The following ATF2 variants were observed in gnomAD, a reference collection of about 807,000 sequenced individuals.
The protein encoded by ATF2 is activating transcription factor 2, also known as cyclic AMP-dependent transcription factor ATF-2.
In ATF2, 24 loss-of-function variants were observed where a neutral mutation model predicts 60.6. The ratio of observed to expected loss-of-function variants is 0.40; its 90% CI spans 0.29 to 0.56. The LOEUF (loss-of-function observed/expected upper bound fraction) is 0.56. ATF2 is among the 20% of genes least tolerant of loss of function. ATF2 has a pLI of 0.54. For synonymous variants in ATF2, 206 were observed against 215.4 expected (o/e 0.96, Z 0.38); for missense variants, 433 against 607.7 (o/e 0.71, Z 3.02).
chr2:175,094,209 A>G (rs1243678140), intron 11 of ATF2, among the ~76,000 whole-genome samples: 2 of 151,972 alleles, frequency 1.3e-5, no homozygotes, highest in African/African-American at 2.4e-5. Context: ...CCTGGCCAAC[A>G]TGGTGAAAAC....
At chr2:175,110,794 T>C (rs200063270) in intron 10 of ATF2, among the ~76,000 whole-genome samples, 1 of 152,120 alleles carries the variant, frequency 6.6e-6, no homozygotes, top group African/African-American at 2.4e-5. Flanking sequence ...TTAGTAGAGA[T>C]GGGGTTTCAC....
At chr2:175,165,131 A>AT (rs34135617) in intron 1 of ATF2, among the ~76,000 whole-genome samples, 111,843 of 151,842 alleles carry the variant, frequency 0.74, 42,119 homozygotes, top group East Asian at 0.87. Flanking sequence ...CTAAGGTGGG[A>AT]TTTTTTTTAG....
chr2:175,079,043 T>C (rs984642934), intron 13 of ATF2, among the ~76,000 whole-genome samples: 1 of 152,128 alleles, frequency 6.6e-6, no homozygotes. Context: ...TAGTACTCTA[T>C]GTACTAAAAA....
chr2:175,167,888 C>A, intron 1 of ATF2, 162 bp downstream of exon 1: 1 of 389,438 alleles, frequency 2.6e-6, no homozygotes, highest in Non-Finnish European at 5.4e-6. Context: ...GGTGGCAGCA[C>A]AGCCACAATC....
chr2:175,135,479 C>A (rs1019991136), intron 3 of ATF2, among the ~76,000 whole-genome samples: 6 of 152,074 alleles, frequency 3.9e-5, no homozygotes, highest in Non-Finnish European at 8.8e-5. Context: ...GGGACATAAC[C>A]CCACCATGAA....
intron 1 of ATF2, among the ~76,000 whole-genome samples, chr2:175,163,548 C>T (rs954606757): frequency 6.6e-6 from 1 of 151,814 alleles, no homozygotes; most frequent in African/African-American, 2.4e-5. Context: ...ATACAGAATG[C>T]AAATATGGGT....
intron 9 of ATF2, 85 bp from the exon 10 acceptor site, chr2:175,111,739 A>G: frequency 8.5e-7 from 1 of 1,172,068 alleles, no homozygotes; most frequent in African/African-American, 1.5e-5. Flanking sequence ...ATAATTTGAG[A>G]CTTTAAGAAT....
At chr2:175,082,150 C>A (rs1472892605) in intron 12 of ATF2, among the ~76,000 whole-genome samples, 1 of 152,084 alleles carries the variant, frequency 6.6e-6, no homozygotes, top group Admixed American at 6.6e-5. Flanking sequence ...GTTAAGCAAT[C>A]TAAAGGCAAG....
In ATF2 at chr2:175,165,929, G is replaced by A. The variant is rs13012436; in HGVS notation, c.-143+2121C>T. On this transcript the variant is annotated intron_variant, in intron 1 of 13. Transcript: ENST00000264110. ...TCCGCCCCACTCGGCCTCACGAAGT[G>A]CTGGCATTACAGGCATGAGCCACCG... 1.3e-3 allele frequency among the ~76,000 whole-genome samples: 195 copies of A among 152,292 alleles called. 2 individuals carry two copies. Among genetic ancestry groups the A allele is most frequent in the South Asian group, 0.011 (51 of 4,826 alleles).
chr2:175,161,254 A>C (rs1457354404), intron 1 of ATF2, among the ~76,000 whole-genome samples: 2 of 152,220 alleles, frequency 1.3e-5, no homozygotes, highest in Non-Finnish European at 2.9e-5. Context: ...GGGAAAAATA[A>C]CTTTGTTGCC....
At chr2:175,123,156 T>C (rs186719683) in intron 4 of ATF2, among the ~76,000 whole-genome samples, 1 of 152,162 alleles carries the variant, frequency 6.6e-6, no homozygotes, top group African/African-American at 2.4e-5. Flanking sequence ...TTTATCATTA[T>C]AAGAATCTCC....
chr2:175,130,097 G>A, intron 4 of ATF2, 41 bp downstream of exon 4: 2 of 1,329,160 alleles, frequency 1.5e-6, no homozygotes, highest in Non-Finnish European at 2.1e-6. Context: ...GTTTTAATAA[G>A]TGGAAATATA....
intron 12 of ATF2, among the ~76,000 whole-genome samples, chr2:175,089,811 C>T (rs138827675): frequency 6.5e-4 from 99 of 152,268 alleles, no homozygotes; most frequent in African/African-American, 2.0e-3. Context: ...CCCAAACCAT[C>T]CATGCTCTCA....
chr2:175,126,574 TTTAA>T (rs1697351786), intron 4 of ATF2, among the ~76,000 whole-genome samples: 1 of 152,198 alleles, frequency 6.6e-6, no homozygotes, highest in South Asian at 2.1e-4. Context: ...ACAGAGGTCT[TTTAA>T]CAATTCCTTA....
At chr2:175,123,846 A>G (rs1281716678) in intron 4 of ATF2, among the ~76,000 whole-genome samples, 6 of 152,026 alleles carry the variant, frequency 3.9e-5, no homozygotes, top group Non-Finnish European at 1.5e-5. Context: ...CACTCAAAAT[A>G]CAAAAACACT....
chr2:175,080,440 G>A (rs973078474), intron 13 of ATF2: 2 of 356,348 alleles, frequency 5.6e-6, no homozygotes, highest in African/African-American at 4.2e-5. Flanking sequence ...TTGATCTATA[G>A]TAACGCTTAG....
chr2:175,074,797 G>A lies in ATF2; in HGVS notation c.1330C>T (p.Pro444Ser), dbSNP rs1189633938. 9 of 1,613,460 alleles carry A rather than the reference G, an allele frequency of 5.6e-6. No homozygotes were observed. The highest frequency in any genetic ancestry group is 1.3e-5 in the African/African-American group (1 of 74,990). The change falls in exon 14 of 14, where the codon CCG (proline) becomes TCG (serine). Residue 444 changes from proline to serine, a missense_variant. Coordinates refer to ENST00000264110, the MANE Select transcript of ATF2 (RefSeq NM_001880.4). ...KDDSSEDISV[P>S]SSPHTEAIQH... Reference sequence around the variant, plus strand: ...ATAGCTTCTGTATGTGGACTACTCGGCACTGAAATGTCTTCTGAACTATCA... The same window carrying A: ...ATAGCTTCTGTATGTGGACTACTCGACACTGAAATGTCTTCTGAACTATCA...
rs1489555819 is a variant in ATF2, at chr2:175,121,467, C to G, written c.176G>C (p.Arg59Pro). The G allele has an allele frequency of 1.2e-6, 2 of 1,601,354 alleles. No homozygotes were observed. The stretch of plus-strand genomic sequence containing the variant: ...ACCAGCCACAATGACACTGTCATTA[C>G]GTGCTGGACCAAATTTCAGTGTCAT... Reference protein sequence around the residue: ...HEMTLKFGPARNDSVIVADQT... With the variant: ...HEMTLKFGPAPNDSVIVADQT... Residue 59 changes from arginine (R) to proline (P), a missense_variant, in exon 5 of 14, where the codon CGT becomes CCT. Arg to Pro is a moderately radical substitution (Grantham distance 103, BLOSUM62 -2). Transcript: ENST00000264110.
intron 3 of ATF2, among the ~76,000 whole-genome samples, chr2:175,134,391 A>T (rs192069290): frequency 1.3e-5 from 2 of 151,986 alleles, no homozygotes; most frequent in Non-Finnish European, 2.9e-5. Flanking sequence ...CTGTATATCT[A>T]AAAAAAACGA....
Sources: gnomAD v4.1 joint callset for allele counts (sites outside exome capture counted in the v4.1 genomes callset) on GRCh38, gnomAD v4.1.1 for gene constraint, MANE v1.5 for transcripts, NCBI Gene and HGNC (gene_info 2026-07-23, HGNC 2026-07-21) for gene names.